The following ZNF875 variants were observed in gnomAD, a reference collection of about 807,000 sequenced individuals.
ZNF875 encodes zinc finger protein 875.
A neutral mutation model predicts 11.2 loss-of-function variants in ZNF875; 14 were observed. That is an observed-to-expected ratio of 1.26 (90% confidence interval 0.83 to 1.96). ZNF875 has a LOEUF of 1.96. Ranked by LOEUF, ZNF875 falls within the 30% of genes most tolerant of loss-of-function variation. The pLI is 0.00. For missense variants in ZNF875, 752 were observed against 760.4 expected (o/e 0.99, Z 0.13); for synonymous variants, 301 against 281.1 (o/e 1.07, Z -0.71).
chr19:37,356,809 T>C (rs942616681), intron 4 of ZNF875, among the ~76,000 whole-genome samples: 2 of 152,240 alleles, frequency 1.3e-5, no homozygotes, highest in African/African-American at 4.8e-5. Flanking sequence ...TCTTTTGCAG[T>C]GCAGAAGCTC....
chr19:37,361,741 A>C (rs1319456254), intron 4 of ZNF875, among the ~76,000 whole-genome samples: 2 of 151,720 alleles, frequency 1.3e-5, no homozygotes, highest in Non-Finnish European at 2.9e-5. Context: ...ACACGGTAAA[A>C]CTCTGTCTCT....
intron 2 of ZNF875, among the ~76,000 whole-genome samples, chr19:37,335,819 A>C (rs746129769): frequency 1.3e-5 from 2 of 152,208 alleles, no homozygotes; most frequent in South Asian, 4.1e-4. Context: ...CCGTTTAATC[A>C]TATAACCTCC....
intron 4 of ZNF875, chr19:37,328,462 G>A (rs1372794385): frequency 1.3e-5 from 2 of 152,172 alleles, no homozygotes; most frequent in African/African-American, 4.8e-5. Flanking sequence ...AAGGTAGGGT[G>A]GGTTAGTTAT....
chr19:37,338,898 A>G (rs1363170445), intron 2 of ZNF875, among the ~76,000 whole-genome samples: 2 of 152,242 alleles, frequency 1.3e-5, no homozygotes, highest in African/African-American at 4.8e-5. Flanking sequence ...AAGCAAGACT[A>G]TCTTAGGACA....
At chr19:37,361,892 G>A (rs1035112937) in intron 4 of ZNF875, 1 of 518,640 alleles carries the variant, frequency 1.9e-6, no homozygotes, top group Non-Finnish European at 3.4e-6. Flanking sequence ...ACTCCAGCTT[G>A]GGTGAAAGAA....
intron 4 of ZNF875, among the ~76,000 whole-genome samples, chr19:37,352,185 A>G (rs1263014320): frequency 6.7e-6 from 1 of 149,522 alleles, no homozygotes; most frequent in African/African-American, 2.5e-5. Context: ...GCTTGTCTTC[A>G]GGTCTGTTAT....
In ZNF875 at chr19:37,347,674, C is replaced by T. The variant is rs912601146; in HGVS notation, c.161-103C>T. 20 of 740,672 alleles carry T rather than the reference C, an allele frequency of 2.7e-5. No individual in the cohort carries two copies. In the African/African-American group the frequency reaches 3.5e-4, roughly 13 times the overall value. The allele number at this position is 740,672 out of a possible 1,614,324, so 45.9% of individuals were successfully genotyped here. On this transcript the variant is annotated intron_variant, in intron 3 of 4. Coordinates refer to ENST00000392153, the MANE Select transcript of ZNF875 (RefSeq NM_001353803.2). ...TTCAGAGAGAGAACTATTCATAGGT[C>T]TTTTTTATCCTCTGGGTTTCCTCAC...
intron 2 of ZNF875, among the ~76,000 whole-genome samples, chr19:37,323,041 T>C (rs112727838): frequency 0.014 from 2,141 of 152,180 alleles, 23 homozygotes; most frequent in Non-Finnish European, 0.021. Flanking sequence ...TGGTGGGTTC[T>C]CTTGGGTCTT....
upstream of ZNF875, among the ~76,000 whole-genome samples, chr19:37,317,639 C>T (rs1021377034): frequency 6.6e-6 from 1 of 152,200 alleles, no homozygotes; most frequent in East Asian, 1.9e-4. Flanking sequence ...TGGTTTGGCG[C>T]AGCGGGTAGA....
chr19:37,314,027 A>C (rs1222932846), upstream of ZNF875, among the ~76,000 whole-genome samples: 1 of 151,976 alleles, frequency 6.6e-6, no homozygotes, highest in Non-Finnish European at 1.5e-5. Flanking sequence ...TTATTTATTT[A>C]TTTATTTTGG....
chr19:37,321,042 A>G (rs931834448), intron 1 of ZNF875, among the ~76,000 whole-genome samples: 1 of 151,910 alleles, frequency 6.6e-6, no homozygotes, highest in African/African-American at 2.4e-5. Context: ...AGTCATCACC[A>G]CTCCCTAATC....
Position 37,334,725 on chromosome 19 carries a change from C to T in ZNF875, c.-114C>T, listed in dbSNP as rs1308676876. 17 of 455,992 alleles carry T rather than the reference C, an allele frequency of 3.7e-5. No individual in the cohort carries two copies. The highest frequency in any genetic ancestry group is 6.2e-5 in the Non-Finnish European group (14 of 226,844). The allele number at this position is 455,992 out of a possible 1,614,324, so 28.2% of individuals were successfully genotyped here. ...CTCCCTCTTAAGGTCTTTCCCACAC[C>T]TCTGCACCTTGTTACCTGACTTTCG... On this transcript the variant is annotated 5_prime_UTR_variant, in exon 1 of 5. Transcript: ENST00000392153.
rs1313989962 is a variant in ZNF875, at chr19:37,335,159, A to T, written c.-56-10A>T. Reference sequence around the variant, plus strand: ...ACCTAGGCCACTCTTATTTCTCTTCACATCCCCAGATCTGTCTTCTGAGAC... The same window carrying T: ...ACCTAGGCCACTCTTATTTCTCTTCTCATCCCCAGATCTGTCTTCTGAGAC... On this transcript the variant is annotated splice_polypyrimidine_tract_variant and intron_variant, in intron 1 of 4. Transcript: ENST00000392153. 1.4e-6 allele frequency: 1 copy of T among 699,108 alleles called. No homozygotes were observed. The allele number at this position is 699,108 out of a possible 1,614,324, so 43.3% of individuals were successfully genotyped here. A position where few individuals can be genotyped will look rare whatever the true frequency, so the allele number is the denominator to read the frequency against.
chr19:37,338,859 C>T (rs1477211634), intron 2 of ZNF875, among the ~76,000 whole-genome samples: 1 of 152,154 alleles, frequency 6.6e-6, no homozygotes, highest in East Asian at 1.9e-4. Flanking sequence ...TCTTGATATG[C>T]ATGGCATCTG....
chr19:37,357,932 C>G (rs763781598), intron 4 of ZNF875: 125 of 398,172 alleles, frequency 3.1e-4, no homozygotes, highest in Non-Finnish European at 6.2e-5. Context: ...GTGGTGAGAG[C>G]AGACATCCTT....
chr19:37,352,874 C>CTTTTTT (rs60469285), intron 4 of ZNF875, among the ~76,000 whole-genome samples: 10 of 87,726 alleles, frequency 1.1e-4, no homozygotes, highest in Non-Finnish European at 1.6e-4. Flanking sequence ...ATTCTTTTTT[C>CTTTTTT]TTTTTTTTTT....
intron 4 of ZNF875, among the ~76,000 whole-genome samples, chr19:37,327,501 C>G (rs2032677308): frequency 6.6e-6 from 1 of 152,080 alleles, no homozygotes; most frequent in Non-Finnish European, 1.5e-5. Context: ...GGCATAGTGG[C>G]TCATACCTGT....
rs759357893 is a variant in ZNF875 at position 37,363,806 on chromosome 19, G to A, written c.*31G>A. ...TTATGTGTATAGGGAATGTGGTACAGCCTTTAGCCAGGAGTCATACTTCAT... is the reference window on the plus strand; with the variant it reads ...TTATGTGTATAGGGAATGTGGTACAACCTTTAGCCAGGAGTCATACTTCAT... On this transcript the variant is annotated 3_prime_UTR_variant, in exon 5 of 5. Transcript: ENST00000392153. The A allele has an allele frequency of 1.3e-6, 2 of 1,580,868 alleles. No homozygotes were observed. The highest frequency in any genetic ancestry group is 2.2e-5 in the South Asian group (2 of 89,508).
At chr19:37,340,515 A>C (rs567131227) in intron 2 of ZNF875, among the ~76,000 whole-genome samples, 72 of 151,866 alleles carry the variant, frequency 4.7e-4, no homozygotes, top group African/African-American at 1.7e-3. Context: ...TTAGTGCCTC[A>C]TTTCAGTGTC....
Sources: allele counts gnomAD v4.1 joint callset (sites outside exome capture counted in the v4.1 genomes callset), GRCh38; gene constraint gnomAD v4.1.1; transcripts MANE v1.5; gene names NCBI Gene and HGNC (gene_info 2026-07-23, HGNC 2026-07-21).